TMC6: variants seen among roughly 807,000 people sequenced by gnomAD.
The protein encoded by TMC6 is transmembrane channel like 6, also known as transmembrane channel-like protein 6.
TMC6 carries 71 observed loss-of-function variants against 95.4 expected under a neutral mutation model. The observed-to-expected ratio is 0.74, with a 90% CI of 0.61 to 0.91. TMC6 has a LOEUF of 0.91. TMC6 is among the 40% of genes least tolerant of loss of function. TMC6 has a pLI of 0.00. For missense variants in TMC6, 1,074 were observed against 1,079.1 expected (o/e 1.00, Z 0.07); for synonymous variants, 514 against 483.1 (o/e 1.06, Z -0.84).
chr17:78,124,572 C>G lies in TMC6; in HGVS notation c.843G>C (p.Leu281=), dbSNP rs748839526. ...CTGTGCAGACGGGGGCAGGGCCCGG[C>G]AGGGCGGGTGGGAAGGCGACCTGAG... ...MGPQVAFPPA[L]PGPAPVCTGL... is the part of the protein sequence containing the mutation. Residue 281 remains leucine (L), a synonymous_variant, in exon 8 of 20, where the codon CTG becomes CTC. Transcript: ENST00000590602. 6.2e-7 allele frequency: 1 copy of G among 1,612,132 alleles called. No individual in the cohort carries two copies. Among genetic ancestry groups the G allele is most frequent in the South Asian group, 1.1e-5 (1 of 91,040 alleles).
In TMC6 at chr17:78,128,126, G is replaced by C. The variant is rs2074827057; in HGVS notation, c.-75+486C>G. Reference sequence around the variant, plus strand: ...GGCAAGTCCAGCGGAGTTTCCAGGCGCACCATTCCTGAGCTAGGTGGGGAG... The same window carrying C: ...GGCAAGTCCAGCGGAGTTTCCAGGCCCACCATTCCTGAGCTAGGTGGGGAG... On this transcript the variant is annotated intron_variant, in intron 1 of 19. Transcript: ENST00000590602. This position sits in a 1 kb window ranked among gnomAD's most constrained non-coding sequence, Gnocchi z 4.0. Among the ~76,000 whole-genome samples the C allele has an allele frequency of 6.6e-6, 1 of 152,208 alleles. No homozygotes were observed. The highest frequency in any genetic ancestry group is 6.5e-5 in the Admixed American group (1 of 15,284).
chr17:78,124,418 G>C (rs530863291), intron 8 of TMC6, 106 bp downstream of exon 8: 1 of 1,550,576 alleles, frequency 6.4e-7, no homozygotes, highest in Admixed American at 1.8e-5. Context: ...GAGTCACAGC[G>C]GGGCAAGGGT....
upstream of TMC6, chr17:78,131,544 C>T (rs753655863): frequency 1.3e-6 from 2 of 1,537,118 alleles, no homozygotes; most frequent in South Asian, 1.2e-5. Flanking sequence ...TCATATCCCC[C>T]CCACCGGCAG....
At position 78,117,611 on chromosome 17, in the gene TMC6, C is replaced by T. The variant is rs757870228; in HGVS notation, c.2055G>A (p.Arg685=). 8 of 1,578,354 alleles carry T rather than the reference C, an allele frequency of 5.1e-6. No homozygotes were observed. In the East Asian group the frequency reaches 1.9e-4, roughly 37 times the overall value. ...CGGCCTCGTACATGGTGTCCAGGGTCCGGAAGGGGCCGCAGGTGCTCGAGG... is the reference window on the plus strand; with the variant it reads ...CGGCCTCGTACATGGTGTCCAGGGTTCGGAAGGGGCCGCAGGTGCTCGAGG... ...VKPSSTCGPF[R]TLDTMYEAGR... is the part of the protein sequence containing the mutation. The change falls in exon 17 of 20, where the codon CGG becomes CGA. Residue 685 remains arginine (R), a synonymous_variant. Coordinates refer to ENST00000590602, the MANE Select transcript of TMC6 (RefSeq NM_001127198.5).
rs1453127732 is a variant in TMC6, at chr17:78,110,442, C to G, written c.*2706G>C. 6.6e-6 allele frequency: 1 copy of G among 152,230 alleles called. No homozygotes were observed. Among genetic ancestry groups the G allele is most frequent in the Non-Finnish European group, 1.5e-5 (1 of 68,072 alleles). 9.4% of individuals were successfully genotyped at this position (152,230 alleles called of 1,614,324 possible). A position where few individuals can be genotyped will look rare whatever the true frequency, so the allele number is the denominator to read the frequency against. ...TGAGCCGAGATCATGGAACTGCACTCCAGCCTGGGCAAGAGCAAGACTCTG... is the reference window on the plus strand; with the variant it reads ...TGAGCCGAGATCATGGAACTGCACTGCAGCCTGGGCAAGAGCAAGACTCTG... On this transcript the variant is annotated 3_prime_UTR_variant, in exon 20 of 20. Coordinates refer to ENST00000590602, the MANE Select transcript of TMC6 (RefSeq NM_001127198.5).
Position 78,124,976 on chromosome 17 carries a change from G to C in TMC6, c.546C>G (p.Ser182Arg), listed in dbSNP as rs562181176. The C allele has an allele frequency of 6.3e-7, 1 of 1,590,494 alleles. No homozygotes were observed. Among genetic ancestry groups the C allele is most frequent in the African/African-American group, 1.3e-5 (1 of 74,754 alleles). The change falls in exon 7 of 20, where the codon AGC becomes AGG. Residue 182 changes from serine (S) to arginine (R), a missense_variant. Physicochemically the swap from Ser to Arg is moderately radical, Grantham distance 110 (BLOSUM62 -1). Transcript: ENST00000590602. ...CCCTCCACTTCCCCCTCGGGGTCCT[G>C]CTCTTCTCTCTGGGGACAGAGGCAG... Reference protein sequence around the residue: ...LAEKRSLREKSRTPRGKWRGQ... With the variant: ...LAEKRSLREKRRTPRGKWRGQ...
intron 18 of TMC6, among the ~76,000 whole-genome samples, chr17:78,114,621 CAGG>C (rs2073962657): frequency 6.6e-6 from 1 of 152,054 alleles, no homozygotes; most frequent in East Asian, 1.9e-4. Context: ...ACACAGAGAA[CAGG>C]AGTTCTGTCA....
In TMC6 at chr17:78,111,665, T is replaced by G. The variant is rs2073827011; in HGVS notation, c.*1483A>C. ...GGGCCCCTGTGGCAGCACCCAGATG[T>G]CTGCAGAGCACAGGAGCATCCCCAT... On this transcript the variant is annotated 3_prime_UTR_variant, in exon 20 of 20. Coordinates refer to ENST00000590602, the MANE Select transcript of TMC6 (RefSeq NM_001127198.5). The G allele has an allele frequency of 6.5e-6, 1 of 153,354 alleles. No homozygotes were observed. Among genetic ancestry groups the G allele is most frequent in the African/African-American group, 2.4e-5 (1 of 41,480 alleles). The allele number at this position is 153,354 out of a possible 1,614,324, so 9.5% of individuals were successfully genotyped here. A position where few individuals can be genotyped will look rare whatever the true frequency, so the allele number is the denominator to read the frequency against.
Position 78,112,758 on chromosome 17 carries a change from C to G in TMC6, c.*390G>C. The G allele has an allele frequency of 3.2e-6, 1 of 314,902 alleles. No individual in the cohort carries two copies. Among genetic ancestry groups the G allele is most frequent in the South Asian group, 3.9e-5 (1 of 25,382 alleles). 19.5% of individuals were successfully genotyped at this position (314,902 alleles called of 1,614,324 possible). A position where few individuals can be genotyped will look rare whatever the true frequency, so the allele number is the denominator to read the frequency against. Reference sequence around the variant, plus strand: ...TCAAAGGCAGCAAGCGAATCAAGCCCTGGCGCGGTCCAGCCCCTGCCATCT... The same window carrying G: ...TCAAAGGCAGCAAGCGAATCAAGCCGTGGCGCGGTCCAGCCCCTGCCATCT... On this transcript the variant is annotated 3_prime_UTR_variant, in exon 20 of 20. Transcript: ENST00000590602.
intron 18 of TMC6, among the ~76,000 whole-genome samples, chr17:78,116,286 T>G (rs1262258904): frequency 6.7e-6 from 1 of 149,884 alleles, no homozygotes; most frequent in African/African-American, 2.5e-5. Flanking sequence ...CTTTTTTTTT[T>G]TTTTTTTTAT....
chr17:78,119,413 T>C (rs1241148187), intron 13 of TMC6, 21 bp from the exon 14 acceptor site: 1 of 1,612,982 alleles, frequency 6.2e-7, no homozygotes, highest in East Asian at 2.2e-5. Context: ...GGACCCCGGA[T>C]CGTTAGATGG....
At position 78,112,093 on chromosome 17, in the gene TMC6, C is replaced by T. The variant is rs559050975; in HGVS notation, c.*1055G>A. 1 of 226,408 alleles carries T rather than the reference C, an allele frequency of 4.4e-6. No individual in the cohort carries two copies. Among genetic ancestry groups the T allele is most frequent in the African/African-American group, 2.5e-5 (1 of 40,686 alleles). The allele number at this position is 226,408 out of a possible 1,614,324, so 14.0% of individuals were successfully genotyped here. On this transcript the variant is annotated 3_prime_UTR_variant, in exon 20 of 20. Transcript: ENST00000590602. ...TGGAGCACAGGCTGACGGGCTGGTC[C>T]CCGCAGGCCTGGAGCACTGAGGCTG...
chr17:78,120,677 G>A lies in TMC6; in HGVS notation c.1691C>T (p.Thr564Met), dbSNP rs775756280. The part of the protein sequence containing the change: ...VMDFVLMLLD[T>M]LFGELVWRII... ...CCTCCACACCAGTTCCCCAAAAAGC[G>A]TGTCCAGCAACATGAGGACGAAGTC... The change falls in exon 13 of 20, where the codon ACG becomes ATG. Residue 564 changes from threonine (T) to methionine (M), a missense_variant. Transcript: ENST00000590602. 1.5e-5 allele frequency: 25 copies of A among 1,613,862 alleles called. No homozygotes were observed. The highest frequency in any genetic ancestry group is 5.3e-5 in the African/African-American group (4 of 74,894).
chr17:78,122,203 G>A lies in TMC6; in HGVS notation c.1227+402C>T, dbSNP rs1436775819. Reference sequence around the variant, plus strand: ...CCCCGCAACCTCTACGAGGGCCTCGGCCTCTATGCCTCAGTCTCCTCTCTG... The same window carrying A: ...CCCCGCAACCTCTACGAGGGCCTCGACCTCTATGCCTCAGTCTCCTCTCTG... On this transcript the variant is annotated intron_variant, in intron 10 of 19. Transcript: ENST00000590602. This position sits in a 1 kb window ranked among gnomAD's most constrained non-coding sequence, Gnocchi z 4.9. 1.3e-5 allele frequency among the ~76,000 whole-genome samples: 2 copies of A among 152,092 alleles called. No homozygotes were observed. Among genetic ancestry groups the A allele is most frequent in the Non-Finnish European group, 2.9e-5 (2 of 68,020 alleles).
Position 78,122,474 on chromosome 17 carries a change from G to A in TMC6, c.1227+131C>T, listed in dbSNP as rs116717140. 0.029 allele frequency: 39,564 copies of A among 1,377,484 alleles called. 774 individuals carry two copies. Among genetic ancestry groups the A allele is most frequent in the South Asian group, 0.072 (5,306 of 73,302 alleles). 85.3% of individuals were successfully genotyped at this position (1,377,484 alleles called of 1,614,324 possible). On this transcript the variant is annotated intron_variant, in intron 10 of 19. Coordinates refer to ENST00000590602, the MANE Select transcript of TMC6 (RefSeq NM_001127198.5). The surrounding 1 kb of genome is among the most constrained non-coding windows in gnomAD (Gnocchi z 4.9). ...AAGCAGAAGACCACGCCTGCCCAGCGCCCCGAGTTCAGCTCACGGACAGCT... is the reference window on the plus strand; with the variant it reads ...AAGCAGAAGACCACGCCTGCCCAGCACCCCGAGTTCAGCTCACGGACAGCT...
chr17:78,120,795 A>C lies in TMC6; in HGVS notation c.1573T>G (p.Cys525Gly). 1.9e-6 allele frequency: 3 copies of C among 1,613,508 alleles called. No individual in the cohort carries two copies. Among genetic ancestry groups the C allele is most frequent in the Non-Finnish European group, 2.5e-6 (3 of 1,179,844 alleles). ...ACCCTGCGGCCCAGCCAGTGGTAGC[A>C]CAGTGTCCCCAGGATGGCCAGCTTG... ...ILKLAILGTLCYHWLGRRVGV... is the reference protein window; with the variant it reads ...ILKLAILGTLGYHWLGRRVGV... Residue 525 changes from cysteine to glycine, a missense_variant, in exon 13 of 20, where the codon TGC becomes GGC. Transcript: ENST00000590602.
Position 78,124,124 on chromosome 17 carries a change from T to A in TMC6, c.947A>T (p.Asn316Ile), listed in dbSNP as rs746517168. The A allele has an allele frequency of 6.2e-7, 1 of 1,612,900 alleles. No homozygotes were observed. The highest frequency in any genetic ancestry group is 8.5e-7 in the Non-Finnish European group (1 of 1,179,900). ...YYGHYSNATL[N>I]QPCGSPLDGS... ...ATCCAGGGGGCTGCCACACGGCTGG[T>A]TCAGCGTGGCGTTACTGTAGTGGCC... The change falls in exon 9 of 20, where the codon AAC becomes ATC. Residue 316 changes from asparagine (N) to isoleucine (I), a missense_variant. Physicochemically the swap from Asn to Ile is moderately radical, Grantham distance 149. Coordinates refer to ENST00000590602, the MANE Select transcript of TMC6 (RefSeq NM_001127198.5).
chr17:78,116,405 TG>T (rs2074117144), intron 18 of TMC6, among the ~76,000 whole-genome samples: 1 of 150,850 alleles, frequency 6.6e-6, no homozygotes, highest in South Asian at 2.1e-4. Flanking sequence ...CCCAAGTAGC[TG>T]GGACTACAGG....
upstream of TMC6, chr17:78,130,965 G>A (rs374387331): frequency 4.8e-3 from 803 of 168,956 alleles, 9 homozygotes; most frequent in African/African-American, 0.018. Flanking sequence ...GGCTGGGGCT[G>A]TAGCCACAGG....
Sources: allele counts gnomAD v4.1 joint callset (sites outside exome capture counted in the v4.1 genomes callset), GRCh38; gene constraint gnomAD v4.1.1; non-coding constraint Gnocchi (gnomAD v3.1); transcripts MANE v1.5; gene names NCBI Gene and HGNC (gene_info 2026-07-23, HGNC 2026-07-21).